Variants in KCTD3 observed in about 807,000 individuals in gnomAD.
The protein encoded by KCTD3 is potassium channel tetramerization domain containing 3, also known as BTB/POZ domain-containing protein KCTD3.
In KCTD3, 41 loss-of-function variants were observed where a neutral mutation model predicts 85.8. That is an observed-to-expected ratio of 0.48 (90% CI 0.37 to 0.62). The LOEUF is 0.62. KCTD3 is among the 20% of genes least tolerant of loss of function. The probability of loss-of-function intolerance (pLI) is 0.00; values close to 1 mark genes in which losing one functional copy is unlikely to be tolerated. For missense variants in KCTD3, 724 were observed against 989.9 expected, an observed-to-expected ratio of 0.73 and a Z score of 3.60; for synonymous variants, 338 against 345.4, an observed-to-expected ratio of 0.98 and a Z score of 0.24.
At chr1:215,590,386 A>T (rs568064799) in intron 9 of KCTD3, among the ~76,000 whole-genome samples, 1 of 152,146 alleles carries the variant, frequency 6.6e-6, no homozygotes, top group African/African-American at 2.4e-5. Flanking sequence ...ATGTCTAGAG[A>T]CATTTTTGGT....
chr1:215,614,336 A>G (rs1057093210), intron 15 of KCTD3, among the ~76,000 whole-genome samples: 3 of 152,114 alleles, frequency 2.0e-5, no homozygotes, highest in Non-Finnish European at 2.9e-5. Context: ...CGGCCTAGAA[A>G]TAGTTTTTTC....
intron 17 of KCTD3, 92 bp downstream of exon 17, chr1:215,619,383 C>A: frequency 9.3e-7 from 1 of 1,076,924 alleles, no homozygotes; most frequent in Admixed American, 2.4e-5. Context: ...TCTAGAAAGC[C>A]ATACTTCTCA....
chr1:215,567,697 G>A lies in KCTD3; in HGVS notation c.12G>A (p.Gly4=). Residue 4 remains glycine (G), a synonymous_variant, in exon 1 of 18, where the codon GGG becomes GGA. Coordinates refer to ENST00000259154, the MANE Select transcript of KCTD3 (RefSeq NM_016121.5). MAG[G]HCGSFPAAAA... is the part of the protein sequence containing the mutation. ...CGGAGCCGCCGGAGATGGCGGGAGG[G>A]CACTGCGGCAGCTTCCCCGCGGCGG... 8.1e-7 allele frequency: 1 copy of A among 1,240,860 alleles called. No homozygotes were observed. The allele number at this position is 1,240,860 out of a possible 1,614,324, so 76.9% of individuals were successfully genotyped here.
chr1:215,571,921 G>A (rs899717765), intron 1 of KCTD3, among the ~76,000 whole-genome samples: 5 of 152,176 alleles, frequency 3.3e-5, no homozygotes, highest in South Asian at 2.1e-4. Context: ...GTGAGCCACC[G>A]CGCCTAGCCG....
Position 215,620,103 on chromosome 1 carries a change from G to A in KCTD3, c.1933G>A (p.Gly645Ser), listed in dbSNP as rs568916830. The A allele has an allele frequency of 8.9e-5, 143 of 1,611,298 alleles. 3 individuals carry two copies. In the South Asian group the frequency reaches 1.4e-3, roughly 16 times the overall value. Residue 645 changes from glycine to serine, a missense_variant, in exon 18 of 18, where the codon GGT becomes AGT. By Grantham distance (56) the Gly-to-Ser change is moderately conservative (BLOSUM62 0). Around this residue, in one of 6 missense-constraint regions of KCTD3, gnomAD observed 222 missense variants for 217.7 expected, o/e 1.02. Transcript: ENST00000259154. Reference sequence around the variant, plus strand: ...TACCACCCATGAAGCAGCTACTTACGGTTCCATGAGGCCTTACAGAGAAAG... The same window carrying A: ...TACCACCCATGAAGCAGCTACTTACAGTTCCATGAGGCCTTACAGAGAAAG... ...HDTTHEAATY[G>S]SMRPYRESPL...
At chr1:215,572,477 C>T (rs898389953) in intron 1 of KCTD3, among the ~76,000 whole-genome samples, 7 of 152,318 alleles carry the variant, frequency 4.6e-5, no homozygotes, top group Non-Finnish European at 8.8e-5. Context: ...AGACTTCTGA[C>T]ACTACTCTGT....
At chr1:215,586,429 T>C in intron 8 of KCTD3, 66 bp from the exon 9 acceptor site, 1 of 1,272,470 alleles carries the variant, frequency 7.9e-7, no homozygotes, top group South Asian at 1.6e-5. Flanking sequence ...TTTTGGTGCA[T>C]TGATGTGTAT....
intron 1 of KCTD3, among the ~76,000 whole-genome samples, chr1:215,570,823 G>C (rs1051889578): frequency 3.9e-5 from 6 of 152,204 alleles, no homozygotes; most frequent in Non-Finnish European, 7.3e-5. Flanking sequence ...GATTGTACAT[G>C]ACTCTGTTCT....
intron 10 of KCTD3, among the ~76,000 whole-genome samples, chr1:215,599,381 T>C (rs967781039): frequency 1.3e-5 from 2 of 152,158 alleles, no homozygotes; most frequent in Non-Finnish European, 2.9e-5. Flanking sequence ...TAAAAAATAA[T>C]GATAAGTTTA....
intron 17 of KCTD3, 140 bp from the exon 18 acceptor site, chr1:215,619,917 G>A: frequency 1.9e-6 from 1 of 536,336 alleles, no homozygotes; most frequent in South Asian, 4.6e-5. Context: ...TACTTGATAA[G>A]TATATTTTTA....
At chr1:215,602,223 T>C (rs933409331) in intron 12 of KCTD3, 22 bp downstream of exon 12, 4 of 1,146,724 alleles carry the variant, frequency 3.5e-6, no homozygotes, top group Admixed American at 2.0e-5. Context: ...GCCAATTATA[T>C]ACATTCTTGA....
chr1:215,597,906 T>G (rs1403715585), intron 10 of KCTD3, among the ~76,000 whole-genome samples: 2 of 152,076 alleles, frequency 1.3e-5, no homozygotes, highest in African/African-American at 4.8e-5. Context: ...GACTTTTCAG[T>G]ATTGTCTTGA....
At chr1:215,601,996 T>G (rs372233368) in intron 11 of KCTD3, 42 bp downstream of exon 11, 76 of 1,423,534 alleles carry the variant, frequency 5.3e-5, no homozygotes, top group Non-Finnish European at 7.4e-5. Context: ...TTAATGTAAT[T>G]TTTTAAATGA....
intron 10 of KCTD3, among the ~76,000 whole-genome samples, 165 bp from the exon 11 acceptor site, chr1:215,601,702 T>G (rs1048216383): frequency 6.6e-5 from 10 of 152,226 alleles, no homozygotes. Context: ...TGTTTGTGTA[T>G]ATGTGTGTGC....
intron 14 of KCTD3, among the ~76,000 whole-genome samples, chr1:215,608,469 A>T (rs957697113): frequency 6.6e-6 from 1 of 151,960 alleles, no homozygotes; most frequent in African/African-American, 2.4e-5. Flanking sequence ...TAAAACTATG[A>T]TAACTGTGTA....
chr1:215,614,118 T>C (rs1655340889), intron 15 of KCTD3, among the ~76,000 whole-genome samples: 1 of 146,560 alleles, frequency 6.8e-6, no homozygotes, highest in East Asian at 2.2e-4. Context: ...CTGCAAGCTC[T>C]GCCTCCCGGG....
chr1:215,601,519 G>A (rs1654831885), intron 10 of KCTD3, among the ~76,000 whole-genome samples: 2 of 152,194 alleles, frequency 1.3e-5, no homozygotes, highest in Admixed American at 1.3e-4. Context: ...AGGGAAAAGA[G>A]AGGGACCTGG....
intron 15 of KCTD3, among the ~76,000 whole-genome samples, chr1:215,613,540 T>C (rs1163871497): frequency 6.6e-6 from 1 of 152,226 alleles, no homozygotes; most frequent in Non-Finnish European, 1.5e-5. Context: ...TTTGTTGCAG[T>C]TGCTTTTGGA....
In KCTD3 at chr1:215,595,306, T is replaced by C. The variant is rs746661393; in HGVS notation, c.818-50T>C. On this transcript the variant is annotated intron_variant, in intron 9 of 17. Coordinates refer to ENST00000259154, the MANE Select transcript of KCTD3 (RefSeq NM_016121.5). ...TGTTTTTAATCCAGGTTTTGATTAA[T>C]TCTAAAAATGGTGACTGATTAACCT... The C allele has an allele frequency of 3.6e-6, 4 of 1,117,808 alleles. No homozygotes were observed. The South Asian group carries it at 5.0e-5, about 14-fold the overall frequency. The allele number at this position is 1,117,808 out of a possible 1,614,324, so 69.2% of individuals were successfully genotyped here.
Sources: allele counts gnomAD v4.1 joint callset (sites outside exome capture counted in the v4.1 genomes callset), GRCh38; gene constraint gnomAD v4.1.1; regional missense constraint gnomAD v4.1.1; transcripts MANE v1.5; gene names NCBI Gene and HGNC (gene_info 2026-07-23, HGNC 2026-07-21).